Variants in EFCAB6 observed in about 807,000 individuals in gnomAD.
EFCAB6 encodes EF-hand calcium-binding domain-containing protein 6.
A neutral mutation model predicts 169.8 loss-of-function variants in EFCAB6; 156 were observed. That is an observed-to-expected ratio of 0.92 (90% confidence interval 0.81 to 1.05). The LOEUF (loss-of-function observed/expected upper bound fraction) is 1.05. EFCAB6 is among the 50% of genes least tolerant of loss of function. EFCAB6 has a pLI of 0.00. For missense variants in EFCAB6, 1,800 were observed against 1,829.1 expected (o/e 0.98, Z 0.29); for synonymous variants, 698 against 676.4 (o/e 1.03, Z -0.50).
chr22:43,546,076 G>T (rs1459368425), intron 27 of EFCAB6, among the ~76,000 whole-genome samples: 1 of 152,182 alleles, frequency 6.6e-6, no homozygotes, highest in Non-Finnish European at 1.5e-5. Flanking sequence ...AAGTAGACAT[G>T]TGTATTAAAA....
At chr22:43,736,028 G>A (rs761469093) in intron 6 of EFCAB6, 35 bp from the exon 7 acceptor site, 1 of 1,575,262 alleles carries the variant, frequency 6.3e-7, no homozygotes, top group Non-Finnish European at 8.6e-7. Flanking sequence ...AAAGTCAAAA[G>A]ATCTAGTGTT....
intron 2 of EFCAB6, among the ~76,000 whole-genome samples, chr22:43,784,432 C>T (rs2061936269): frequency 6.8e-6 from 1 of 147,428 alleles, no homozygotes. Flanking sequence ...AGGAGAACTG[C>T]TTGAGGCCAG....
At chr22:43,749,113 T>G (rs997146497) in intron 6 of EFCAB6, among the ~76,000 whole-genome samples, 1 of 152,024 alleles carries the variant, frequency 6.6e-6, no homozygotes, top group African/African-American at 2.4e-5. Flanking sequence ...CAGGATACAG[T>G]AGACATAACT....
intron 2 of EFCAB6, among the ~76,000 whole-genome samples, chr22:43,783,118 C>T (rs1285024909): frequency 1.3e-5 from 2 of 152,140 alleles, no homozygotes; most frequent in African/African-American, 2.4e-5. Context: ...GATCCTACTC[C>T]CAAGGCTGTC....
At chr22:43,702,481 T>TC (rs1263830197) in intron 10 of EFCAB6, among the ~76,000 whole-genome samples, 1 of 152,106 alleles carries the variant, frequency 6.6e-6, no homozygotes. Context: ...TTAACCGCAT[T>TC]CCCCTAAGTC....
In EFCAB6 at chr22:43,530,939, G is replaced by A. The variant is rs868031539; in HGVS notation, c.4259C>T (p.Ser1420Phe). 1 of 1,614,222 alleles carries A rather than the reference G, an allele frequency of 6.2e-7. No homozygotes were observed. Among genetic ancestry groups the A allele is most frequent in the Non-Finnish European group, 8.5e-7 (1 of 1,180,048 alleles). The change falls in exon 31 of 32, where the codon TCT becomes TTT. Residue 1420 changes from serine to phenylalanine, a missense_variant. Coordinates refer to ENST00000262726, the MANE Select transcript of EFCAB6 (RefSeq NM_022785.4). ...KMKEAGAETP[S>F]FYSALLRIQP... is the part of the protein sequence containing the mutation. ...AATACGCAGCAGAGCAGAGTAAAAAGATGGCGTCTCCGCGCCGGCTTCTTT... is the reference window on the plus strand; with the variant it reads ...AATACGCAGCAGAGCAGAGTAAAAAAATGGCGTCTCCGCGCCGGCTTCTTT...
chr22:43,772,566 G>C (rs2061504291), intron 4 of EFCAB6, among the ~76,000 whole-genome samples: 2 of 151,412 alleles, frequency 1.3e-5, no homozygotes, highest in African/African-American at 2.4e-5. Flanking sequence ...GCTTGAACCT[G>C]GGAGGCGGAG....
chr22:43,724,040 T>C (rs1406595061), intron 8 of EFCAB6, among the ~76,000 whole-genome samples: 1 of 152,252 alleles, frequency 6.6e-6, no homozygotes, highest in African/African-American at 2.4e-5. Context: ...TTTTTCATTC[T>C]GCATGTGGCC....
chr22:43,797,991 C>T (rs1044187200), intron 2 of EFCAB6, among the ~76,000 whole-genome samples: 2 of 152,182 alleles, frequency 1.3e-5, no homozygotes, highest in African/African-American at 2.4e-5. Flanking sequence ...GGTTCTCACA[C>T]TTGAGTGGAC....
rs969051495 is a variant in EFCAB6, at chr22:43,744,098, G to GAATT, written c.508-8106_508-8105insAATT. Among the ~76,000 whole-genome samples the GAATT allele has an allele frequency of 6.6e-6, 1 of 151,952 alleles. No homozygotes were observed. Among genetic ancestry groups the GAATT allele is most frequent in the African/African-American group, 2.4e-5 (1 of 41,338 alleles). ...ATGAATGGATGAATGATGAATGAAT[G>GAATT]AATGAATGAATGAATGGATGGGTTA... On this transcript the variant is annotated intron_variant, in intron 6 of 31. Coordinates refer to ENST00000262726, the MANE Select transcript of EFCAB6 (RefSeq NM_022785.4). The surrounding 1 kb of genome is among the most constrained non-coding windows in gnomAD (Gnocchi z 4.3).
chr22:43,784,101 A>C (rs2061924724), intron 2 of EFCAB6, among the ~76,000 whole-genome samples: 1 of 152,144 alleles, frequency 6.6e-6, no homozygotes, highest in Non-Finnish European at 1.5e-5. Flanking sequence ...TCCAGTTTTC[A>C]ACAAAAATTT....
At chr22:43,811,901 A>G (rs1043036192) in intron 1 of EFCAB6, among the ~76,000 whole-genome samples, 6 of 152,206 alleles carry the variant, frequency 3.9e-5, no homozygotes, top group Non-Finnish European at 5.9e-5. Context: ...CACCACCGTC[A>G]GCGTTGTTTA....
At chr22:43,544,784 A>G (rs777812018) in intron 27 of EFCAB6, among the ~76,000 whole-genome samples, 14 of 152,124 alleles carry the variant, frequency 9.2e-5, no homozygotes, top group Non-Finnish European at 2.1e-4. Flanking sequence ...AGAACCCTGA[A>G]CAATACTCAA....
chr22:43,669,936 A>C (rs964763206), intron 15 of EFCAB6, among the ~76,000 whole-genome samples: 2 of 152,174 alleles, frequency 1.3e-5, no homozygotes, highest in Admixed American at 6.5e-5. Flanking sequence ...CAGAGGCAAC[A>C]TGTGTGATCA....
intron 2 of EFCAB6, among the ~76,000 whole-genome samples, chr22:43,793,767 C>T (rs1296370166): frequency 6.6e-6 from 1 of 152,132 alleles, no homozygotes; most frequent in East Asian, 1.9e-4. Flanking sequence ...ACTCTATCTC[C>T]ACGGTCAGAT....
chr22:43,635,755 C>T (rs536076658), intron 17 of EFCAB6, among the ~76,000 whole-genome samples: 1 of 152,230 alleles, frequency 6.6e-6, no homozygotes, highest in South Asian at 2.1e-4. Context: ...TGAAAGTTAT[C>T]CCTGATTCCT....
chr22:43,733,231 C>T (rs1002300965), intron 7 of EFCAB6, among the ~76,000 whole-genome samples: 19 of 152,140 alleles, frequency 1.2e-4, no homozygotes, highest in African/African-American at 4.6e-4. Flanking sequence ...AACCAGAAGA[C>T]CCAATTGAGG....
chr22:43,675,458 G>GATATAAT (rs202144973), intron 13 of EFCAB6, among the ~76,000 whole-genome samples: 67,727 of 128,276 alleles, frequency 0.53, 18,626 homozygotes, highest in East Asian at 0.77. Flanking sequence ...TATAATATAT[G>GATATAAT]ATATAATATA....
chr22:43,803,414 T>G (rs548986324), intron 2 of EFCAB6, among the ~76,000 whole-genome samples: 1 of 152,360 alleles, frequency 6.6e-6, no homozygotes, highest in Non-Finnish European at 1.5e-5. Flanking sequence ...TGATTTTTGA[T>G]AGTCGGTTGA....
Sources: allele counts gnomAD v4.1 joint callset (sites outside exome capture counted in the v4.1 genomes callset), GRCh38; gene constraint gnomAD v4.1.1; non-coding constraint Gnocchi (gnomAD v3.1); transcripts MANE v1.5; gene names NCBI Gene and HGNC (gene_info 2026-07-23, HGNC 2026-07-21).